The following LRFN5 variants were observed in gnomAD, a reference collection of about 807,000 sequenced individuals.
LRFN5 encodes the protein leucine rich repeat and fibronectin type III domain containing 5.
A neutral mutation model predicts 45.6 loss-of-function variants in LRFN5; 24 were observed. The ratio of observed to expected loss-of-function variants is 0.53; its 90% CI spans 0.38 to 0.74. LRFN5 has a LOEUF of 0.74. Among genes scored for constraint, LRFN5 ranks in the 30% least tolerant of loss-of-function variants. The pLI is 0.00. For missense variants in LRFN5, 776 were observed against 861.5 expected, an observed-to-expected ratio of 0.90 and a Z score of 1.24; for synonymous variants, 340 against 313.8, an observed-to-expected ratio of 1.08 and a Z score of -0.88.
chr14:41,636,555 G>A (rs1255143198), intron 1 of LRFN5, among the ~76,000 whole-genome samples: 1 of 151,706 alleles, frequency 6.6e-6, no homozygotes. Context: ...CATGGCACAT[G>A]TATACATATG....
At chr14:41,673,800 G>A (rs1400092619) in intron 1 of LRFN5, among the ~76,000 whole-genome samples, 1 of 139,380 alleles carries the variant, frequency 7.2e-6, no homozygotes, top group Non-Finnish European at 1.6e-5. Flanking sequence ...GGCGGGGGGT[G>A]ACCCCCCCCA....
At chr14:41,790,884 G>T (rs1431234144) in intron 2 of LRFN5, among the ~76,000 whole-genome samples, 1 of 151,576 alleles carries the variant, frequency 6.6e-6, no homozygotes, top group African/African-American at 2.4e-5. Flanking sequence ...TAATTGTTGG[G>T]CATTATGCAC....
intron 2 of LRFN5, among the ~76,000 whole-genome samples, chr14:41,789,603 C>A (rs540475053): frequency 1.3e-5 from 2 of 152,060 alleles, no homozygotes; most frequent in East Asian, 3.9e-4. Flanking sequence ...TCCCAAACTC[C>A]ATTTACTGTT....
At chr14:41,897,832 G>A (rs550482208) in intron 4 of LRFN5, among the ~76,000 whole-genome samples, 2 of 152,030 alleles carry the variant, frequency 1.3e-5, no homozygotes, top group South Asian at 2.1e-4. Flanking sequence ...AAGCCATGAC[G>A]GCCCTTTCAT....
At chr14:41,784,504 T>C (rs889574420) in intron 2 of LRFN5, among the ~76,000 whole-genome samples, 1 of 152,134 alleles carries the variant, frequency 6.6e-6, no homozygotes, top group Non-Finnish European at 1.5e-5. Context: ...GCAAAGACTC[T>C]CTGAAATTTC....
In LRFN5 at chr14:41,769,080, G is replaced by GA. The variant is rs1324175478; in HGVS notation, c.-21+2063dup. 6.8e-3 allele frequency among the ~76,000 whole-genome samples: 933 copies of GA among 136,708 alleles called. 6 individuals carry two copies. Among genetic ancestry groups the GA allele is most frequent in the African/African-American group, 0.012 (465 of 37,430 alleles). The allele number at this position is 136,708 out of a possible 152,430, so 89.7% of individuals were successfully genotyped here. On this transcript the variant is annotated intron_variant, in intron 2 of 5. Coordinates refer to ENST00000298119, the MANE Select transcript of LRFN5 (RefSeq NM_152447.5). ...TGTCTTGCGTGAAATTAATCACTCT[G>GA]AAAAAAAAAAAACAGAAAGTAAACA... is the stretch of plus-strand genomic sequence containing the variant.
chr14:41,765,385 A>G (rs1885845933), intron 1 of LRFN5, among the ~76,000 whole-genome samples: 1 of 151,586 alleles, frequency 6.6e-6, no homozygotes, highest in Non-Finnish European at 1.5e-5. Context: ...AGGGCACAAC[A>G]GAGCAAAGTA....
intron 2 of LRFN5, among the ~76,000 whole-genome samples, chr14:41,819,971 A>G (rs77243211): frequency 1.9e-5 from 2 of 103,810 alleles, no homozygotes; most frequent in South Asian, 2.9e-4. Context: ...TTTTTTTTTT[A>G]TTTTTCATGC....
intron 2 of LRFN5, among the ~76,000 whole-genome samples, chr14:41,857,112 T>C (rs1281307699): frequency 6.6e-6 from 1 of 152,208 alleles, no homozygotes; most frequent in Non-Finnish European, 1.5e-5. Flanking sequence ...ATAATAACAC[T>C]TGCTATGTAT....
chr14:41,734,578 A>G (rs896273675), intron 1 of LRFN5, among the ~76,000 whole-genome samples: 2 of 150,664 alleles, frequency 1.3e-5, no homozygotes, highest in Non-Finnish European at 3.0e-5. Context: ...TCTTATAAGC[A>G]GTATACAATG....
intron 2 of LRFN5, among the ~76,000 whole-genome samples, chr14:41,846,797 T>C (rs1889084455): frequency 1.3e-5 from 2 of 152,156 alleles, no homozygotes; most frequent in Non-Finnish European, 2.9e-5. Context: ...AATCAACTTA[T>C]TGAGGTTGTA....
At position 41,688,703 on chromosome 14, in the gene LRFN5, T is replaced by C. The variant is rs563322511; in HGVS notation, c.-196-78151T>C. 1.7e-4 allele frequency among the ~76,000 whole-genome samples: 26 copies of C among 150,998 alleles called. No homozygotes were observed. In the South Asian group the frequency reaches 5.4e-3, roughly 31 times the overall value. ...AAACAAAACAAAACAAAAAAAACCA[T>C]GAGATACCAAAATTTATGAGATGCA... On this transcript the variant is annotated intron_variant, in intron 1 of 5. Transcript: ENST00000298119.
chr14:41,716,572 C>T (rs902473034), intron 1 of LRFN5, among the ~76,000 whole-genome samples: 2 of 152,122 alleles, frequency 1.3e-5, no homozygotes, highest in Non-Finnish European at 2.9e-5. Context: ...ACCCTTATTC[C>T]AGTTCCCAAC....
In LRFN5 at chr14:41,891,537, A is replaced by T. The variant is rs768976780; in HGVS notation, c.1673A>T (p.Asn558Ile). The T allele has an allele frequency of 6.2e-6, 10 of 1,614,202 alleles. No individual in the cohort carries two copies. Among genetic ancestry groups the T allele is most frequent in the African/African-American group, 1.3e-5 (1 of 75,044 alleles). ...LMIRYKVCNN[N>I]GQHKVTKVSN... ...ATCCGGTATAAGGTTTGCAACAATA[A>T]TGGGCAACACAAGGTCACCAAGGTT... is the stretch of plus-strand genomic sequence containing the variant. The change falls in exon 4 of 6, where the codon AAT becomes ATT. Residue 558 changes from asparagine (N) to isoleucine (I), a missense_variant. Transcript: ENST00000298119.
chr14:41,683,072 A>G (rs1322918710), intron 1 of LRFN5, among the ~76,000 whole-genome samples: 4 of 152,208 alleles, frequency 2.6e-5, no homozygotes, highest in Non-Finnish European at 4.4e-5. Context: ...AAAATCCTCA[A>G]CAACATTTTA....
chr14:41,651,664 AGTT>A (rs1247349839), intron 1 of LRFN5, among the ~76,000 whole-genome samples: 3 of 152,168 alleles, frequency 2.0e-5, no homozygotes, highest in African/African-American at 4.8e-5. Flanking sequence ...TTTGTTGTGA[AGTT>A]GTTAATTCCA....
At chr14:41,722,578 C>A (rs1232722994) in intron 1 of LRFN5, among the ~76,000 whole-genome samples, 3 of 96,598 alleles carry the variant, frequency 3.1e-5, no homozygotes, top group Non-Finnish European at 6.7e-5. Flanking sequence ...TTTTTTTTTT[C>A]TTTCTCTTTC....
intron 1 of LRFN5, among the ~76,000 whole-genome samples, chr14:41,611,813 A>G (rs932174602): frequency 5.3e-5 from 8 of 152,174 alleles, no homozygotes; most frequent in Admixed American, 5.2e-4. Context: ...GTTCTGACTG[A>G]TAGCAGCCAG....
chr14:41,613,005 A>G (rs1357089461), intron 1 of LRFN5, among the ~76,000 whole-genome samples: 2 of 152,126 alleles, frequency 1.3e-5, no homozygotes, highest in Non-Finnish European at 2.9e-5. Context: ...ATGTGACATA[A>G]TTTAATACTA....
Sources: gnomAD v4.1 joint callset for allele counts (sites outside exome capture counted in the v4.1 genomes callset) on GRCh38, gnomAD v4.1.1 for gene constraint, MANE v1.5 for transcripts, NCBI Gene and HGNC (gene_info 2026-07-23, HGNC 2026-07-21) for gene names.